Variants in CNTNAP5 observed in about 807,000 individuals in gnomAD.
The protein encoded by CNTNAP5 is contactin-associated protein-like 5.
Under a neutral mutation model 150.2 loss-of-function variants are expected in CNTNAP5, and 72 were observed. That is an observed-to-expected ratio of 0.48 (90% confidence interval 0.40 to 0.58). The LOEUF is 0.58. Among genes scored for constraint, CNTNAP5 ranks in the 20% least tolerant of loss-of-function variants. The pLI is 0.00. For synonymous variants in CNTNAP5, 672 were observed against 619.8 expected, an observed-to-expected ratio of 1.08 and a Z score of -1.25; for missense variants, 1,636 against 1,626.2, an observed-to-expected ratio of 1.01 and a Z score of -0.10.
intron 19 of CNTNAP5, among the ~76,000 whole-genome samples, chr2:124,859,705 T>C (rs547691564): frequency 2.6e-5 from 4 of 152,252 alleles, no homozygotes; most frequent in Admixed American, 2.6e-4. Flanking sequence ...GTGGCACATA[T>C]ACACCATGGA....
chr2:124,187,787 C>T (rs958975722), intron 1 of CNTNAP5, among the ~76,000 whole-genome samples: 1 of 152,164 alleles, frequency 6.6e-6, no homozygotes, highest in Admixed American at 6.5e-5. Flanking sequence ...TTCAACTTCC[C>T]TTCCTGGTCC....
chr2:124,440,019 T>C (rs1405393839), intron 5 of CNTNAP5, among the ~76,000 whole-genome samples: 1 of 151,980 alleles, frequency 6.6e-6, no homozygotes, highest in African/African-American at 2.4e-5. Flanking sequence ...CCACTAAGAG[T>C]AGTGAAGACA....
chr2:124,170,929 C>T (rs913996459), intron 1 of CNTNAP5, among the ~76,000 whole-genome samples: 4 of 152,234 alleles, frequency 2.6e-5, no homozygotes, highest in African/African-American at 7.2e-5. Flanking sequence ...ATATCTCTTA[C>T]GTAGGAAACC....
intron 11 of CNTNAP5, among the ~76,000 whole-genome samples, chr2:124,565,616 T>C (rs34189530): frequency 0.42 from 24,017 of 57,790 alleles, 6,104 homozygotes; most frequent in East Asian, 0.98. Flanking sequence ...TTTTTTTTTT[T>C]TGAGATGGAG....
chr2:124,293,577 A>T (rs1181690147), intron 3 of CNTNAP5, among the ~76,000 whole-genome samples: 1 of 152,192 alleles, frequency 6.6e-6, no homozygotes, highest in African/African-American at 2.4e-5. Context: ...ACTTGTGAAA[A>T]TTATTTTTAA....
chr2:124,200,561 T>C (rs531864257), intron 1 of CNTNAP5, among the ~76,000 whole-genome samples: 7 of 152,316 alleles, frequency 4.6e-5, no homozygotes, highest in Admixed American at 3.3e-4. Context: ...AGATTTACTC[T>C]TTTAACAAAT....
At chr2:124,618,463 G>A (rs1297464032) in intron 12 of CNTNAP5, among the ~76,000 whole-genome samples, 2 of 151,914 alleles carry the variant, frequency 1.3e-5, no homozygotes, top group Non-Finnish European at 2.9e-5. Context: ...TACTAACAGA[G>A]TGGGAAAAAG....
At chr2:124,322,930 G>C (rs1266614739) in intron 3 of CNTNAP5, among the ~76,000 whole-genome samples, 1 of 152,140 alleles carries the variant, frequency 6.6e-6, no homozygotes, top group East Asian at 1.9e-4. Flanking sequence ...AATGTGCTCT[G>C]TTCTGTAATA....
chr2:124,358,979 A>G (rs1231500426), intron 3 of CNTNAP5, among the ~76,000 whole-genome samples: 7 of 149,916 alleles, frequency 4.7e-5, no homozygotes, highest in Non-Finnish European at 8.9e-5. Context: ...CCACAATTTC[A>G]GCTCCTGTTA....
rs537800132 is a variant in CNTNAP5 at position 124,206,798 on chromosome 2, G to A, written c.83-14907G>A. On this transcript the variant is annotated intron_variant, in intron 1 of 23. Coordinates refer to ENST00000682447, the MANE Select transcript of CNTNAP5 (RefSeq NM_001367498.1). ...CCTAGAAAATCAAAAGCTGTTTCCT[G>A]GGTGAGTAATAGGGGACAGAAGCCT... 1.2e-3 allele frequency among the ~76,000 whole-genome samples: 186 copies of A among 152,278 alleles called. 1 individual carries two copies. Among genetic ancestry groups the A allele is most frequent in the Admixed American group, 3.1e-3 (48 of 15,302 alleles).
chr2:124,672,275 A>G (rs1013626238), intron 13 of CNTNAP5, among the ~76,000 whole-genome samples: 5 of 152,072 alleles, frequency 3.3e-5, no homozygotes, highest in Non-Finnish European at 7.4e-5. Flanking sequence ...TTTTACTTTA[A>G]TTATGTCTTT....
chr2:124,623,431 G>A (rs1447403191), intron 12 of CNTNAP5, among the ~76,000 whole-genome samples: 2 of 152,102 alleles, frequency 1.3e-5, no homozygotes, highest in East Asian at 3.9e-4. Flanking sequence ...ATGCATCAAT[G>A]AAAACTCTTA....
intron 21 of CNTNAP5, among the ~76,000 whole-genome samples, chr2:124,902,366 G>T (rs552488538): frequency 2.0e-5 from 3 of 152,264 alleles, no homozygotes; most frequent in South Asian, 4.1e-4. Context: ...GTCTACACAG[G>T]TGGCTTAAAA....
At chr2:124,349,764 A>G (rs1689826851) in intron 3 of CNTNAP5, among the ~76,000 whole-genome samples, 1 of 151,824 alleles carries the variant, frequency 6.6e-6, no homozygotes, top group Non-Finnish European at 1.5e-5. Flanking sequence ...CATGCAAACC[A>G]TAGGATCAGC....
chr2:124,905,659 G>A (rs1678520300), intron 22 of CNTNAP5, among the ~76,000 whole-genome samples: 1 of 152,108 alleles, frequency 6.6e-6, no homozygotes, highest in Non-Finnish European at 1.5e-5. Flanking sequence ...AAGAAAAAGA[G>A]ATACATTCTA....
At chr2:124,861,278 AAAT>A (rs1028747629) in intron 19 of CNTNAP5, among the ~76,000 whole-genome samples, 3 of 152,092 alleles carry the variant, frequency 2.0e-5, no homozygotes, top group Admixed American at 6.6e-5. Context: ...TTATTTCTAA[AAAT>A]AATGATGCTG....
chr2:124,379,094 C>T (rs938611211), intron 3 of CNTNAP5, among the ~76,000 whole-genome samples: 1 of 151,604 alleles, frequency 6.6e-6, no homozygotes, highest in Admixed American at 6.6e-5. Flanking sequence ...GCATAACCTC[C>T]TTTGTTATTC....
intron 11 of CNTNAP5, among the ~76,000 whole-genome samples, chr2:124,598,756 T>C (rs1696898602): frequency 6.6e-6 from 1 of 152,184 alleles, no homozygotes; most frequent in South Asian, 2.1e-4. Context: ...GCTGCCGCCT[T>C]GCAGTTTGAT....
intron 13 of CNTNAP5, among the ~76,000 whole-genome samples, chr2:124,697,339 C>G (rs1267351669): frequency 2.0e-5 from 3 of 152,202 alleles, no homozygotes; most frequent in African/African-American, 7.2e-5. Context: ...ATCCAGGATG[C>G]CATGTTACAG....
Sources: gnomAD v4.1 joint callset for allele counts (sites outside exome capture counted in the v4.1 genomes callset) on GRCh38, gnomAD v4.1.1 for gene constraint, MANE v1.5 for transcripts, NCBI Gene and HGNC (gene_info 2026-07-23, HGNC 2026-07-21) for gene names.